The following USH2A variants were observed in gnomAD, a reference collection of about 807,000 sequenced individuals.
The protein encoded by USH2A is usherin.
A neutral mutation model predicts 538.9 loss-of-function variants in USH2A; 443 were observed. That is an observed-to-expected ratio of 0.82 (90% CI 0.76 to 0.89). The LOEUF (loss-of-function observed/expected upper bound fraction) is 0.89. Ranked by LOEUF, USH2A falls within the 40% of genes least tolerant of loss-of-function variation. The probability of loss-of-function intolerance (pLI) is 0.00; values close to 1 mark genes in which losing one functional copy is unlikely to be tolerated. For missense variants in USH2A, 6,633 were observed against 6,324.8 expected (o/e 1.05, Z -1.65); for synonymous variants, 2,413 against 2,273.5 (o/e 1.06, Z -1.75).
At chr1:216,202,014 A>G (rs2035012253) in intron 16 of USH2A, among the ~76,000 whole-genome samples, 1 of 152,156 alleles carries the variant, frequency 6.6e-6, no homozygotes, top group Non-Finnish European at 1.5e-5. Flanking sequence ...TTCAATAAAT[A>G]TTTACTAGAT....
intron 26 of USH2A, among the ~76,000 whole-genome samples, chr1:216,081,257 G>A (rs1369440230): frequency 1.3e-5 from 2 of 152,082 alleles, no homozygotes; most frequent in Admixed American, 6.6e-5. Flanking sequence ...CTAGAAAGTG[G>A]GCTAATAGCC....
At chr1:216,340,600 C>T (rs907945493) in intron 4 of USH2A, among the ~76,000 whole-genome samples, 35 of 151,402 alleles carry the variant, frequency 2.3e-4, no homozygotes, top group African/African-American at 8.3e-4. Context: ...TACGAAAATC[C>T]TCAATAAAAT....
intron 9 of USH2A, among the ~76,000 whole-genome samples, chr1:216,300,041 A>G (rs2037183298): frequency 6.6e-6 from 1 of 152,218 alleles, no homozygotes; most frequent in Admixed American, 6.5e-5. Context: ...ATAAAGTTTC[A>G]TGAAGTATTA....
chr1:215,663,766 C>T (rs982631608), intron 64 of USH2A, among the ~76,000 whole-genome samples: 3 of 152,008 alleles, frequency 2.0e-5, no homozygotes, highest in East Asian at 1.9e-4. Context: ...GTTATATGGG[C>T]GAAGTGGTTT....
At chr1:215,728,005 C>T (rs1659877368) in intron 61 of USH2A, 25 bp downstream of exon 61, 1 of 1,608,662 alleles carries the variant, frequency 6.2e-7, no homozygotes, top group African/African-American at 1.3e-5. Flanking sequence ...ATCTGCATGT[C>T]TGTTACTTTT....
intron 62 of USH2A, among the ~76,000 whole-genome samples, chr1:215,677,910 T>C (rs1182656709): frequency 6.6e-6 from 1 of 152,182 alleles, no homozygotes; most frequent in African/African-American, 2.4e-5. Flanking sequence ...CCTCACACTA[T>C]CTACTTGCTC....
rs1162671492 is a variant in USH2A, at chr1:216,291,820, C to G, written c.1840+355G>C. Among the ~76,000 whole-genome samples, 4 of 152,038 alleles carry G rather than the reference C, an allele frequency of 2.6e-5. No homozygotes were observed. In the East Asian group the frequency reaches 7.7e-4, roughly 29 times the overall value. On this transcript the variant is annotated intron_variant, in intron 10 of 71. Transcript: ENST00000307340. ...CAGACATAAAGGACAATAAAGGGGA[C>G]AAAAGGAAACTTACTTTAAGGATAT...
In USH2A at chr1:215,899,997, T is replaced by C; in HGVS notation, c.7594+78A>G. 8 of 1,605,376 alleles carry C rather than the reference T, an allele frequency of 5.0e-6. 1 individual carries two copies. The South Asian group carries it at 8.8e-5, about 18-fold the overall frequency. ...AAGTAAATAAGGGAGGCTCATTTCTTTGCTTTGGAAAAAATTGAAGACATT... is the reference window on the plus strand; with the variant it reads ...AAGTAAATAAGGGAGGCTCATTTCTCTGCTTTGGAAAAAATTGAAGACATT... On this transcript the variant is annotated intron_variant, in intron 40 of 71. Transcript: ENST00000307340.
chr1:215,684,309 C>T (rs371770787), intron 61 of USH2A, among the ~76,000 whole-genome samples: 15 of 152,306 alleles, frequency 9.8e-5, no homozygotes, highest in African/African-American at 3.4e-4. Flanking sequence ...ACCATCTCCT[C>T]TGATTATTTT....
At chr1:216,066,208 C>T (rs1423538995) in intron 30 of USH2A, among the ~76,000 whole-genome samples, 6 of 151,902 alleles carry the variant, frequency 3.9e-5, no homozygotes, top group Admixed American at 3.9e-4. Context: ...CTGTGGCTCA[C>T]GCCTGTAATC....
In USH2A at chr1:215,743,157, A is replaced by G; in HGVS notation, c.11548+20T>C. The G allele has an allele frequency of 6.2e-7, 1 of 1,606,280 alleles. No individual in the cohort carries two copies. The highest frequency in any genetic ancestry group is 8.5e-7 in the Non-Finnish European group (1 of 1,175,318). On this transcript the variant is annotated intron_variant, in intron 59 of 71. Transcript: ENST00000307340. ...TACTTTTTCATAAAAGCCCAGGCCA[A>G]GTGTCTGAAAGACTTTCACCATTTT... is the stretch of plus-strand genomic sequence containing the variant.
chr1:215,959,521 A>C (rs963698617), intron 37 of USH2A, among the ~76,000 whole-genome samples: 1 of 152,108 alleles, frequency 6.6e-6, no homozygotes, highest in Non-Finnish European at 1.5e-5. Context: ...CCACATTCAG[A>C]AAGAGTTATC....
At chr1:216,034,952 A>T (rs1305090982) in intron 32 of USH2A, among the ~76,000 whole-genome samples, 5 of 152,326 alleles carry the variant, frequency 3.3e-5, no homozygotes, top group Admixed American at 1.3e-4. Context: ...CAAGCCAGGG[A>T]AGTAAGAGAT....
chr1:216,187,378 T>C (rs1281196905), intron 20 of USH2A, among the ~76,000 whole-genome samples: 1 of 151,914 alleles, frequency 6.6e-6, no homozygotes, highest in Non-Finnish European at 1.5e-5. Flanking sequence ...GCATTCACAA[T>C]AAAATGTAGT....
intron 38 of USH2A, among the ~76,000 whole-genome samples, chr1:215,931,963 A>C (rs1379330735): frequency 6.6e-6 from 1 of 152,016 alleles, no homozygotes; most frequent in Non-Finnish European, 1.5e-5. Context: ...GGATTTGGCC[A>C]GATTAAACGG....
intron 58 of USH2A, among the ~76,000 whole-genome samples, chr1:215,751,901 T>C (rs1443760959): frequency 6.6e-6 from 1 of 152,164 alleles, no homozygotes; most frequent in East Asian, 1.9e-4. Context: ...TTGAGAAACA[T>C]TGTGCAGCTT....
chr1:215,973,656 C>CTTCTTCT (rs1358991956), intron 35 of USH2A, among the ~76,000 whole-genome samples: 81 of 130,966 alleles, frequency 6.2e-4, no homozygotes, highest in African/African-American at 2.3e-3. Flanking sequence ...TCTTCTTCTT[C>CTTCTTCT]TTTTTTTTTT....
intron 4 of USH2A, among the ~76,000 whole-genome samples, chr1:216,357,433 T>A (rs566017698): frequency 1.3e-5 from 2 of 152,034 alleles, no homozygotes; most frequent in Admixed American, 1.3e-4. Context: ...CTAGCAGAGG[T>A]TAGAAATGTG....
chr1:215,812,147 T>A (rs1662714408), intron 49 of USH2A, among the ~76,000 whole-genome samples: 1 of 150,426 alleles, frequency 6.6e-6, no homozygotes, highest in Admixed American at 6.6e-5. Flanking sequence ...ACACGCCCAG[T>A]TAATTTTTTG....
Sources: gnomAD v4.1 joint callset for allele counts (sites outside exome capture counted in the v4.1 genomes callset) on GRCh38, gnomAD v4.1.1 for gene constraint, MANE v1.5 for transcripts, NCBI Gene and HGNC (gene_info 2026-07-23, HGNC 2026-07-21) for gene names.